Variants in SNED1 observed in about 807,000 individuals in gnomAD.
SNED1 encodes sushi, nidogen and EGF-like domain-containing protein 1.
Under a neutral mutation model 166.7 loss-of-function variants are expected in SNED1, and 81 were observed. That is an observed-to-expected ratio of 0.49 (90% CI 0.41 to 0.58). The LOEUF (loss-of-function observed/expected upper bound fraction) is 0.58. Among genes scored for constraint, SNED1 ranks in the 20% least tolerant of loss-of-function variants. The pLI is 0.00. For synonymous variants in SNED1, 762 were observed against 822.0 expected (o/e 0.93, Z 1.25); for missense variants, 1,604 against 2,000.2 (o/e 0.80, Z 3.78).
At position 241,080,156 on chromosome 2, in the gene SNED1, C is replaced by T. The variant is rs190958802; in HGVS notation, c.3917-1521C>T. Reference sequence around the variant, plus strand: ...AAAATTAGCCAGGCATGGTGGTGCGCGCCTGTAGTACCAGCTACTCGGGAG... The same window carrying T: ...AAAATTAGCCAGGCATGGTGGTGCGTGCCTGTAGTACCAGCTACTCGGGAG... On this transcript the variant is annotated intron_variant, in intron 27 of 31. Coordinates refer to ENST00000310397, the MANE Select transcript of SNED1 (RefSeq NM_001080437.3). Among the ~76,000 whole-genome samples the T allele has an allele frequency of 2.3e-3, 353 of 152,054 alleles. 1 individual carries two copies. Among genetic ancestry groups the T allele is most frequent in the African/African-American group, 8.2e-3 (338 of 41,464 alleles).
At chr2:241,072,803 C>T (rs2125250596) in intron 26 of SNED1, 1 of 190,284 alleles carries the variant, frequency 5.3e-6, no homozygotes, top group Non-Finnish European at 1.1e-5. Context: ...CCCGAGGGTG[C>T]GGTTGAGATC....
Position 241,036,863 on chromosome 2 carries a change from C to G in SNED1, c.879C>G (p.Pro293=), listed in dbSNP as rs372153845. 1 of 1,611,832 alleles carries G rather than the reference C, an allele frequency of 6.2e-7. No individual in the cohort carries two copies. Among genetic ancestry groups the G allele is most frequent in the South Asian group, 1.1e-5 (1 of 91,084 alleles). Residue 293 remains proline, a synonymous_variant, in exon 5 of 32, where the codon CCC becomes CCG. Transcript: ENST00000310397. ...TCGACGACTGCGTCACGGGCAACCC[C>G]TCCTACACCTGCTCCTGCCTCTCGG... ...KCIDDCVTGN[P]SYTCSCLSGF... is the part of the protein sequence containing the mutation.
intron 15 of SNED1, among the ~76,000 whole-genome samples, chr2:241,052,699 G>A (rs1334216414): frequency 1.5e-5 from 1 of 68,560 alleles, no homozygotes; most frequent in African/African-American, 7.3e-5. Flanking sequence ...GCGGGGGGGG[G>A]GGGGGTCAAG....
intron 12 of SNED1, 192 bp downstream of exon 12, chr2:241,050,125 A>G: frequency 1.5e-6 from 1 of 648,110 alleles, no homozygotes; most frequent in Non-Finnish European, 2.9e-6. Flanking sequence ...TCTGATCTGC[A>G]CCAGTGCCAG....
chr2:241,059,458 C>G (rs1320634163), intron 16 of SNED1, among the ~76,000 whole-genome samples: 1 of 152,184 alleles, frequency 6.6e-6, no homozygotes, highest in Non-Finnish European at 1.5e-5. Context: ...CACCTTGATA[C>G]CAAAACCAGA....
chr2:241,079,268 C>A (rs899531547), intron 27 of SNED1, among the ~76,000 whole-genome samples: 11 of 151,192 alleles, frequency 7.3e-5, no homozygotes, highest in Non-Finnish European at 1.2e-4. Context: ...AAAAATTAGC[C>A]GGGCGCAGTG....
rs2062518270 is a variant in SNED1, at chr2:241,067,679, C to T, written c.3011-85C>T. 5.7e-6 allele frequency: 7 copies of T among 1,227,062 alleles called. No individual in the cohort carries two copies. The South Asian group carries it at 1.0e-4, about 18-fold the overall frequency. 76.0% of individuals were successfully genotyped at this position (1,227,062 alleles called of 1,614,324 possible). A position where few individuals can be genotyped will look rare whatever the true frequency, so the allele number is the denominator to read the frequency against. ...GCCTCTCTGTGGCCCCCAGCACCCTCCCAAGCCTGGTTTCATCTTGAGCCC... is the reference window on the plus strand; with the variant it reads ...GCCTCTCTGTGGCCCCCAGCACCCTTCCAAGCCTGGTTTCATCTTGAGCCC... On this transcript the variant is annotated intron_variant, in intron 21 of 31. Transcript: ENST00000310397.
At chr2:241,066,437 G>A (rs2062453029) in intron 21 of SNED1, among the ~76,000 whole-genome samples, 1 of 152,214 alleles carries the variant, frequency 6.6e-6, no homozygotes, top group South Asian at 2.1e-4. Context: ...GGCCGCATCA[G>A]CTAGAGCACA....
At chr2:241,003,606 G>A (rs936920849) in intron 1 of SNED1, among the ~76,000 whole-genome samples, 5 of 152,324 alleles carry the variant, frequency 3.3e-5, no homozygotes, top group South Asian at 2.1e-4. Context: ...GCCCACAGCC[G>A]ACTCCCTCCC....
Position 240,999,751 on chromosome 2 carries a change from T to C in SNED1, c.213+701T>C, listed in dbSNP as rs1287046800. ...AAGGAACAGGCCCGAGTGCCGGTTC[T>C]GTCTCCATGGCTCCCAGAGTGTGAC... On this transcript the variant is annotated intron_variant, in intron 1 of 31. Transcript: ENST00000310397. The surrounding 1 kb of genome is among the most constrained non-coding windows in gnomAD (Gnocchi z 5.8). 1.3e-5 allele frequency among the ~76,000 whole-genome samples: 2 copies of C among 152,166 alleles called. No homozygotes were observed. Among genetic ancestry groups the C allele is most frequent in the African/African-American group, 4.8e-5 (2 of 41,440 alleles).
intron 17 of SNED1, among the ~76,000 whole-genome samples, 180 bp downstream of exon 17, chr2:241,063,084 C>T (rs1265946213): frequency 6.6e-6 from 1 of 152,262 alleles, no homozygotes; most frequent in South Asian, 2.1e-4. Flanking sequence ...CCTTCCTGCA[C>T]CTCCCCAGGG....
Position 241,063,702 on chromosome 2 carries a change from T to C in SNED1, c.2485+2T>C. 1.3e-6 allele frequency: 2 copies of C among 1,588,486 alleles called. No homozygotes were observed. Among genetic ancestry groups the C allele is most frequent in the South Asian group, 1.1e-5 (1 of 88,984 alleles). On this transcript the variant is annotated splice_donor_variant, in intron 18 of 31. Coordinates refer to ENST00000310397, the MANE Select transcript of SNED1 (RefSeq NM_001080437.3). LOFTEE classifies it high-confidence loss of function. ...TCGTTGGAGTCCACTGTGAGACAGG[T>C]AGGGGCTCCCTCCAGTGGGCCCCAC...
intron 16 of SNED1, among the ~76,000 whole-genome samples, chr2:241,055,071 C>T (rs976673065): frequency 1.1e-4 from 17 of 151,522 alleles, no homozygotes; most frequent in Admixed American, 3.9e-4. Flanking sequence ...GAGGTGAGAT[C>T]GTGCCACTGA....
rs1170753063 is a variant in SNED1 at position 241,049,813 on chromosome 2, C to T, written c.1619-4C>T. ...CAGGACCACCCTCTGTCCCCCGCCC[C>T]CAGCCCTGCCATCACCCTGCGACTC... On this transcript the variant is annotated splice_region_variant and splice_polypyrimidine_tract_variant and intron_variant, in intron 11 of 31. Coordinates refer to ENST00000310397, the MANE Select transcript of SNED1 (RefSeq NM_001080437.3). 6.2e-7 allele frequency: 1 copy of T among 1,612,286 alleles called. No individual in the cohort carries two copies. The highest frequency in any genetic ancestry group is 1.3e-5 in the African/African-American group (1 of 75,016).
At chr2:241,008,214 G>A (rs1190219227) in intron 1 of SNED1, among the ~76,000 whole-genome samples, 3 of 152,242 alleles carry the variant, frequency 2.0e-5, no homozygotes, top group African/African-American at 7.2e-5. Context: ...CCAAGTGGGG[G>A]AACAGAGTCA....
At chr2:241,062,376 T>G (rs985129019) in intron 16 of SNED1, among the ~76,000 whole-genome samples, 7 of 152,238 alleles carry the variant, frequency 4.6e-5, no homozygotes, top group African/African-American at 1.7e-4. Flanking sequence ...AACTCCCGCT[T>G]GAAAAGAAAG....
chr2:241,017,768 G>A (rs1378976333), intron 1 of SNED1, among the ~76,000 whole-genome samples: 2 of 152,180 alleles, frequency 1.3e-5, no homozygotes, highest in East Asian at 3.9e-4. Context: ...GACCCTCAGG[G>A]GCCCAGGCAC....
chr2:241,081,401 TCTC>T (rs1467678633), intron 27 of SNED1, among the ~76,000 whole-genome samples: 2 of 152,124 alleles, frequency 1.3e-5, no homozygotes, highest in African/African-American at 4.8e-5. Context: ...CCCTCCTCCT[TCTC>T]CTCCTCCTTG....
At chr2:241,026,628 A>G (rs1174599466) in intron 1 of SNED1, among the ~76,000 whole-genome samples, 3 of 152,148 alleles carry the variant, frequency 2.0e-5, no homozygotes, top group Non-Finnish European at 1.5e-5. Flanking sequence ...TCTGTTATTT[A>G]GTTACTTATA....
Sources: gnomAD v4.1 joint callset for allele counts (sites outside exome capture counted in the v4.1 genomes callset) on GRCh38, gnomAD v4.1.1 for gene constraint, Gnocchi (gnomAD v3.1) non-coding constraint, MANE v1.5 for transcripts, NCBI Gene and HGNC (gene_info 2026-07-23, HGNC 2026-07-21) for gene names.